Variants in SLC18B1 observed in about 807,000 individuals in gnomAD.
The protein encoded by SLC18B1 is solute carrier family 18 member B1.
Under a neutral mutation model 53.9 loss-of-function variants are expected in SLC18B1, and 62 were observed. The ratio of observed to expected loss-of-function variants is 1.15; its 90% CI spans 0.94 to 1.42. The LOEUF is 1.42. SLC18B1 is among the 40% of genes most tolerant of loss of function. The probability of loss-of-function intolerance (pLI) is 0.00; values close to 1 mark genes in which losing one functional copy is unlikely to be tolerated. For missense variants in SLC18B1, 598 were observed against 547.3 expected, an observed-to-expected ratio of 1.09 and a Z score of -0.93; for synonymous variants, 217 against 200.9, an observed-to-expected ratio of 1.08 and a Z score of -0.68.
intron 7 of SLC18B1, 58 bp from the exon 8 acceptor site, chr6:132,776,487 C>T: frequency 8.5e-7 from 1 of 1,180,650 alleles, no homozygotes; most frequent in South Asian, 1.3e-5. Context: ...AGTAAACATC[C>T]CTCTTTTCCC....
At chr6:132,793,063 G>A (rs1781590408) in intron 2 of SLC18B1, among the ~76,000 whole-genome samples, 2 of 152,210 alleles carry the variant, frequency 1.3e-5, no homozygotes, top group African/African-American at 4.8e-5. Flanking sequence ...GGAGGTTGCA[G>A]TAAGCTGAGA....
chr6:132,779,479 C>T, intron 6 of SLC18B1, 75 bp from the exon 7 acceptor site: 1 of 1,472,844 alleles, frequency 6.8e-7, no homozygotes. Context: ...ATTTGGAAAA[C>T]TGGTAACACC....
intron 7 of SLC18B1, among the ~76,000 whole-genome samples, chr6:132,778,487 A>G (rs1168580623): frequency 6.6e-6 from 1 of 152,222 alleles, no homozygotes; most frequent in South Asian, 2.1e-4. Context: ...TTTACATTCT[A>G]TGATAGGTAA....
Position 132,782,836 on chromosome 6 carries a change from A to G in SLC18B1, c.658+1097T>C, listed in dbSNP as rs568423294. On this transcript the variant is annotated intron_variant, in intron 6 of 13. Transcript: ENST00000275227. ...GTTGTCCAGGCTGGAGCGCAGTGGCATGATCTTGGCTCACTGCAACCTCCG... is the reference window on the plus strand; with the variant it reads ...GTTGTCCAGGCTGGAGCGCAGTGGCGTGATCTTGGCTCACTGCAACCTCCG... Among the ~76,000 whole-genome samples the G allele has an allele frequency of 8.0e-5, 12 of 150,582 alleles. No homozygotes were observed. In the South Asian group the frequency reaches 2.3e-3, roughly 29 times the overall value.
chr6:132,791,188 A>G (rs1441426444), intron 2 of SLC18B1, among the ~76,000 whole-genome samples: 1 of 152,230 alleles, frequency 6.6e-6, no homozygotes, highest in Non-Finnish European at 1.5e-5. Context: ...CCGAACTGTC[A>G]TATATTGACC....
At chr6:132,773,283 C>T (rs971123771) in intron 9 of SLC18B1, among the ~76,000 whole-genome samples, 195 bp from the exon 10 acceptor site, 7 of 14,720 alleles carry the variant, frequency 4.8e-4, no homozygotes, top group South Asian at 1.8e-3. Flanking sequence ...GTTTTGGGGG[C>T]GGGGGGGTGG....
At position 132,789,083 on chromosome 6, in the gene SLC18B1, T is replaced by G. The variant is rs540438394; in HGVS notation, c.353+681A>C. 3.3e-5 allele frequency among the ~76,000 whole-genome samples: 5 copies of G among 152,324 alleles called. No homozygotes were observed. In the South Asian group the frequency reaches 1.0e-3, roughly 32 times the overall value. On this transcript the variant is annotated intron_variant, in intron 4 of 13. Coordinates refer to ENST00000275227, the MANE Select transcript of SLC18B1 (RefSeq NM_052831.3). The stretch of plus-strand genomic sequence containing the variant: ...TGTTCCCCCATGTACTTATATAAGC[T>G]CTTCCACATTATTTGGAACTTTCAC...
intron 2 of SLC18B1, among the ~76,000 whole-genome samples, chr6:132,793,718 C>T (rs758451905): frequency 9.2e-5 from 14 of 152,194 alleles, no homozygotes; most frequent in Non-Finnish European, 2.1e-4. Flanking sequence ...AAGGTACATT[C>T]ATAATCTATA....
rs138067527 is a variant in SLC18B1 at position 132,777,974 on chromosome 6, C to T, written c.795+1294G>A. Among the ~76,000 whole-genome samples the T allele has an allele frequency of 2.1e-3, 325 of 152,224 alleles. 3 individuals are homozygous for T. Among genetic ancestry groups the T allele is most frequent in the African/African-American group, 7.4e-3 (309 of 41,518 alleles). On this transcript the variant is annotated intron_variant, in intron 7 of 13. Coordinates refer to ENST00000275227, the MANE Select transcript of SLC18B1 (RefSeq NM_052831.3). The stretch of plus-strand genomic sequence containing the variant: ...ATAAAGCTTTTTAATTACCTGGGTG[C>T]AGGCAGACTGAGTCCGAAAAAGGAG...
chr6:132,797,806 G>A (rs1781737866), intron 1 of SLC18B1, among the ~76,000 whole-genome samples: 1 of 151,914 alleles, frequency 6.6e-6, no homozygotes, highest in Non-Finnish European at 1.5e-5. Context: ...CCTAATTACT[G>A]GTCTTTTACA....
chr6:132,787,359 C>T (rs1781402589), intron 5 of SLC18B1, 75 bp downstream of exon 5: 5 of 1,391,252 alleles, frequency 3.6e-6, no homozygotes, highest in African/African-American at 1.5e-5. Context: ...AGAATGGACC[C>T]CAGCTTTAAC....
chr6:132,792,302 A>AAG (rs1781561355), intron 2 of SLC18B1, among the ~76,000 whole-genome samples: 2 of 95,146 alleles, frequency 2.1e-5, no homozygotes, highest in South Asian at 8.0e-4. Flanking sequence ...GAAGGAAGGA[A>AAG]GGAAGGAAGG....
At chr6:132,792,105 G>A (rs1781537263) in intron 2 of SLC18B1, among the ~76,000 whole-genome samples, 1 of 151,218 alleles carries the variant, frequency 6.6e-6, no homozygotes, top group African/African-American at 2.4e-5. Flanking sequence ...GCACGTGCCT[G>A]TAATCCCAGC....
At chr6:132,784,159 A>C (rs1441827488) in intron 5 of SLC18B1, 70 bp from the exon 6 acceptor site, 1 of 1,298,190 alleles carries the variant, frequency 7.7e-7, no homozygotes, top group African/African-American at 1.5e-5. Context: ...ACTATCTTTA[A>C]AAAAATTTCT....
At chr6:132,785,477 C>T (rs1010360066) in intron 5 of SLC18B1, among the ~76,000 whole-genome samples, 2 of 152,144 alleles carry the variant, frequency 1.3e-5, no homozygotes, top group African/African-American at 2.4e-5. Flanking sequence ...AGCCTTATAT[C>T]CTTAGACCTT....
intron 9 of SLC18B1, 36 bp from the exon 10 acceptor site, chr6:132,773,124 G>A: frequency 6.8e-7 from 1 of 1,463,884 alleles, no homozygotes; most frequent in Non-Finnish European, 9.6e-7. Context: ...AATACAAAAA[G>A]AAAAACATTA....
At chr6:132,794,107 A>ATTTTT (rs55943508) in intron 2 of SLC18B1, among the ~76,000 whole-genome samples, 1 of 137,968 alleles carries the variant, frequency 7.2e-6, no homozygotes, top group African/African-American at 2.7e-5. Flanking sequence ...TTTTTTTTTA[A>ATTTTT]TTTTTTTTTT....
At position 132,776,379 on chromosome 6, in the gene SLC18B1, C is replaced by T. The variant is rs755506193; in HGVS notation, c.846G>A (p.Leu282=). The part of the protein sequence containing the change: ...YVGLVFLGMA[L]SYAISSPLFG... ...ATAGTGGTGAAGAGATGGCATAGGACAGTGCCATACCCAGGAATACTAGTC... is the reference window on the plus strand; with the variant it reads ...ATAGTGGTGAAGAGATGGCATAGGATAGTGCCATACCCAGGAATACTAGTC... The change falls in exon 8 of 14, where the codon CTG becomes CTA. Residue 282 remains leucine (L), a synonymous_variant. Transcript: ENST00000275227. 4 of 1,613,690 alleles carry T rather than the reference C, an allele frequency of 2.5e-6. No individual in the cohort carries two copies. Among genetic ancestry groups the T allele is most frequent in the South Asian group, 1.1e-5 (1 of 90,950 alleles).
chr6:132,784,173 T>G (rs896510661), intron 5 of SLC18B1, 84 bp from the exon 6 acceptor site: 9 of 1,152,720 alleles, frequency 7.8e-6, no homozygotes, highest in Non-Finnish European at 1.0e-5. Flanking sequence ...AATTTCTATC[T>G]TCTTCATAAT....
Sources: allele counts gnomAD v4.1 joint callset (sites outside exome capture counted in the v4.1 genomes callset), GRCh38; gene constraint gnomAD v4.1.1; transcripts MANE v1.5; gene names NCBI Gene and HGNC (gene_info 2026-07-23, HGNC 2026-07-21).